The following FARP2 variants were observed in gnomAD, a reference collection of about 807,000 sequenced individuals.
FARP2 encodes FERM, ARH/RhoGEF and pleckstrin domain protein 2.
A neutral mutation model predicts 130.5 loss-of-function variants in FARP2; 111 were observed. The ratio of observed to expected loss-of-function variants is 0.85; its 90% confidence interval spans 0.73 to 1.00. FARP2 has a LOEUF of 1.00. Ranked by LOEUF, FARP2 falls within the 50% of genes least tolerant of loss-of-function variation. The probability of loss-of-function intolerance (pLI) is 0.00; values close to 1 mark genes in which losing one functional copy is unlikely to be tolerated. For synonymous variants in FARP2, 504 were observed against 516.9 expected (o/e 0.98, Z 0.34); for missense variants, 1,385 against 1,346.3 (o/e 1.03, Z -0.45).
intron 2 of FARP2, among the ~76,000 whole-genome samples, chr2:241,402,322 C>G (rs11694757): frequency 4.6e-5 from 7 of 152,228 alleles, no homozygotes; most frequent in Non-Finnish European, 8.8e-5. Context: ...CATCATCATT[C>G]TAACCCTCTT....
intron 2 of FARP2, among the ~76,000 whole-genome samples, chr2:241,376,328 A>T (rs994029835): frequency 6.6e-6 from 1 of 152,240 alleles, no homozygotes; most frequent in Non-Finnish European, 1.5e-5. Flanking sequence ...CTACCAGGCT[A>T]GCTCTGATTC....
Position 241,365,591 on chromosome 2 carries a change from A to G in FARP2, c.-24-7493A>G, listed in dbSNP as rs1466200088. 2.0e-5 allele frequency among the ~76,000 whole-genome samples: 3 copies of G among 152,042 alleles called. No individual in the cohort carries two copies. In the East Asian group the frequency reaches 5.8e-4, roughly 29 times the overall value. On this transcript the variant is annotated intron_variant, in intron 1 of 26. Coordinates refer to ENST00000264042, the MANE Select transcript of FARP2 (RefSeq NM_014808.4). ...AGTTTTTATTTACACACATACACAC[A>G]CCGTTTCCTTTTTTTGTTGCCATTT... is the stretch of plus-strand genomic sequence containing the variant.
At chr2:241,398,128 G>A (rs1410820174) in intron 2 of FARP2, among the ~76,000 whole-genome samples, 1 of 152,070 alleles carries the variant, frequency 6.6e-6, no homozygotes, top group African/African-American at 2.4e-5. Flanking sequence ...ACCATGCCTG[G>A]CCCTTTTTTC....
chr2:241,463,877 G>T, intron 16 of FARP2, 22 bp from the exon 17 acceptor site: 1 of 1,604,466 alleles, frequency 6.2e-7, no homozygotes, highest in South Asian at 1.1e-5. Flanking sequence ...TGTTTAGGAT[G>T]ACTTTGTTTC....
Position 241,441,365 on chromosome 2 carries a change from A to G in FARP2, c.1220A>G (p.Tyr407Cys), listed in dbSNP as rs759526352. The change falls in exon 13 of 27, where the codon TAC (tyrosine) becomes TGC (cysteine). Residue 407 changes from tyrosine to cysteine, a missense_variant. Physicochemically the swap from Tyr to Cys is radical, Grantham distance 194. Transcript: ENST00000264042. ...TCCCCATCTTCAGCGAATGCCTTTT[A>G]CTCGCTCTCTCCCTCCACTCTGGTC... ...PASPSSANAF[Y>C]SLSPSTLVPS... is the part of the protein sequence containing the mutation. 1 of 1,613,688 alleles carries G rather than the reference A, an allele frequency of 6.2e-7. No individual in the cohort carries two copies. Among genetic ancestry groups the G allele is most frequent in the Non-Finnish European group, 8.5e-7 (1 of 1,179,884 alleles).
At chr2:241,456,188 A>G (rs1196032686) in intron 13 of FARP2, among the ~76,000 whole-genome samples, 1 of 152,228 alleles carries the variant, frequency 6.6e-6, no homozygotes, top group Non-Finnish European at 1.5e-5. Flanking sequence ...AAACCAAAAT[A>G]AAATCCCCAT....
At position 241,441,327 on chromosome 2, in the gene FARP2, G is replaced by A. The variant is rs2063377473; in HGVS notation, c.1182G>A (p.Leu394=). 1 of 1,606,222 alleles carries A rather than the reference G, an allele frequency of 6.2e-7. No homozygotes were observed. The highest frequency in any genetic ancestry group is 1.3e-5 in the African/African-American group (1 of 74,870). The change falls in exon 13 of 27, where the codon TTG becomes TTA. Residue 394 remains leucine, a synonymous_variant. Coordinates refer to ENST00000264042, the MANE Select transcript of FARP2 (RefSeq NM_014808.4). ...PKQSISFPEG[L]RTPASPSSAN... ...AGAGCATCTCATTCCCCGAGGGATTGAGGACTCCTGCCTCCCCATCTTCAG... is the reference window on the plus strand; with the variant it reads ...AGAGCATCTCATTCCCCGAGGGATTAAGGACTCCTGCCTCCCCATCTTCAG...
chr2:241,358,680 G>T (rs1449942350), intron 1 of FARP2, among the ~76,000 whole-genome samples: 1 of 152,192 alleles, frequency 6.6e-6, no homozygotes, highest in African/African-American at 2.4e-5. Flanking sequence ...CATAGTGCTA[G>T]ATATACAGGC....
At chr2:241,366,160 C>T (rs945142029) in intron 1 of FARP2, among the ~76,000 whole-genome samples, 1 of 35,692 alleles carries the variant, frequency 2.8e-5, no homozygotes, top group African/African-American at 1.0e-4. Flanking sequence ...TATATATTTT[C>T]TTCCTCTTTT....
intron 4 of FARP2, among the ~76,000 whole-genome samples, chr2:241,405,716 C>G (rs771096875): frequency 6.6e-6 from 1 of 151,852 alleles, no homozygotes; most frequent in Non-Finnish European, 1.5e-5. Context: ...GGCAGATCAC[C>G]TGAGGTCAGG....
In FARP2 at chr2:241,454,336, GA is replaced by G. The variant is rs544891850; in HGVS notation, c.1412-2409del. Reference sequence around the variant, plus strand: ...GGACCCCTGGAAGGACACAAGGGCAGAATAGTGAAGGCCGACGCTGACTTCC... The same window carrying G: ...GGACCCCTGGAAGGACACAAGGGCAGATAGTGAAGGCCGACGCTGACTTCC... On this transcript the variant is annotated intron_variant, in intron 13 of 26. Transcript: ENST00000264042. 8.2e-4 allele frequency among the ~76,000 whole-genome samples: 125 copies of G among 152,356 alleles called. 1 individual carries two copies. The highest frequency in any genetic ancestry group is 2.6e-3 in the African/African-American group (110 of 41,586).
At chr2:241,430,556 C>T (rs746747301) in intron 8 of FARP2, among the ~76,000 whole-genome samples, 35 of 152,316 alleles carry the variant, frequency 2.3e-4, no homozygotes, top group Non-Finnish European at 4.1e-4. Flanking sequence ...TACACTCTAG[C>T]ACTGTGTTCT....
chr2:241,483,768 A>G, intron 20 of FARP2: 2 of 983,792 alleles, frequency 2.0e-6, no homozygotes, highest in African/African-American at 3.5e-5. Flanking sequence ...TCTTCATTCC[A>G]GGTTCTGAGC....
intron 1 of FARP2, among the ~76,000 whole-genome samples, chr2:241,366,120 T>TATATATACAC (rs1238134390): frequency 4.5e-5 from 2 of 44,326 alleles, no homozygotes; most frequent in African/African-American, 1.6e-4. Flanking sequence ...TATATATATA[T>TATATATACAC]ACGTATATAT....
chr2:241,391,081 C>T (rs754196538), intron 2 of FARP2, among the ~76,000 whole-genome samples: 22 of 152,146 alleles, frequency 1.4e-4, no homozygotes, highest in African/African-American at 4.6e-4. Flanking sequence ...TTCACAAGTA[C>T]GCACAAGTAA....
intron 19 of FARP2, among the ~76,000 whole-genome samples, chr2:241,477,349 C>G (rs573842733): frequency 5.3e-5 from 8 of 152,078 alleles, no homozygotes; most frequent in Admixed American, 2.6e-4. Context: ...AGGATGGTCT[C>G]AAGCTCTTGA....
At chr2:241,420,892 G>A (rs1446233703) in intron 8 of FARP2, among the ~76,000 whole-genome samples, 7 of 152,180 alleles carry the variant, frequency 4.6e-5, no homozygotes, top group South Asian at 2.1e-4. Flanking sequence ...ATCCAAGATG[G>A]CTGATTAGAA....
chr2:241,422,609 TG>T (rs1347435608), intron 8 of FARP2, among the ~76,000 whole-genome samples: 1 of 152,064 alleles, frequency 6.6e-6, no homozygotes, highest in Non-Finnish European at 1.5e-5. Flanking sequence ...AGAAATGGGC[TG>T]GGGCTGAGGC....
At chr2:241,377,365 C>T (rs1229617658) in intron 2 of FARP2, among the ~76,000 whole-genome samples, 9 of 145,998 alleles carry the variant, frequency 6.2e-5, no homozygotes, top group South Asian at 4.3e-4. Flanking sequence ...GACAGAGTCT[C>T]GCTCTGTCGC....
Sources: allele counts gnomAD v4.1 joint callset (sites outside exome capture counted in the v4.1 genomes callset), GRCh38; gene constraint gnomAD v4.1.1; transcripts MANE v1.5; gene names NCBI Gene and HGNC (gene_info 2026-07-23, HGNC 2026-07-21).